TRPM5: variants seen among roughly 807,000 people sequenced by gnomAD.
TRPM5 encodes the protein transient receptor potential cation channel subfamily M member 5.
A neutral mutation model predicts 124.9 loss-of-function variants in TRPM5; 121 were observed. The ratio of observed to expected loss-of-function variants is 0.97; its 90% CI spans 0.84 to 1.13. The LOEUF is 1.13. Among genes scored for constraint, TRPM5 ranks in the 50% most tolerant of loss-of-function variants. The pLI is 0.00. For synonymous variants in TRPM5, 781 were observed against 700.5 expected (o/e 1.11, Z -1.81); for missense variants, 1,643 against 1,589.1 (o/e 1.03, Z -0.58).
At chr11:2,419,678 C>T (rs757090) in intron 4 of TRPM5, among the ~76,000 whole-genome samples, 65,786 of 150,672 alleles carry the variant, frequency 0.44, 14,855 homozygotes, top group East Asian at 0.62. Flanking sequence ...AATTACAATT[C>T]TGTTTCTAAA....
chr11:2,420,382 A>C (rs61735223), exon 4 of TRPM5: 43 of 1,611,856 alleles, frequency 2.7e-5, no homozygotes, highest in Non-Finnish European at 3.3e-5. Context: ...CGTCATCCTC[A>C]GGGTAGTGGA....
chr11:2,433,953 T>C, the TRPM5 span, among the ~76,000 whole-genome samples: 431 of 152,092 alleles, frequency 2.8e-3, 25 homozygotes, highest in South Asian at 0.086. Context: ...TGTGAGTGTA[T>C]ATGTGTGTGT....
At chr11:2,426,141 G>A (rs535309705), upstream of TRPM5, among the ~76,000 whole-genome samples, 20 of 152,216 alleles carry the variant, frequency 1.3e-4, no homozygotes, top group Non-Finnish European at 2.6e-4. Context: ...CCAAAGCTCT[G>A]GCCCTTCCCA....
At chr11:2,414,009 G>GGGCCGCCCCCCCCCCCCCCCCC in intron 12 of TRPM5, 52 bp downstream of exon 17, 1 of 1,023,734 alleles carries the variant, frequency 9.8e-7, no homozygotes, top group Non-Finnish European at 1.4e-6. Context: ...GGCCCAGCTC[G>GGGCCGCCCCCCCCCCCCCCCCC]CCCGCCCACC....
the TRPM5 span, among the ~76,000 whole-genome samples, chr11:2,444,187 G>T: frequency 6.7e-6 from 1 of 149,378 alleles, no homozygotes; most frequent in Admixed American, 6.6e-5. Flanking sequence ...TCACCCTCCC[G>T]GTCCAAGGGC....
At chr11:2,437,646 C>T in the TRPM5 span, among the ~76,000 whole-genome samples, 2 of 152,272 alleles carry the variant, frequency 1.3e-5, no homozygotes, top group East Asian at 1.9e-4. This position sits in a 1 kb window ranked among gnomAD's most constrained non-coding sequence, Gnocchi z 5.6. Flanking sequence ...CATTCCAAAC[C>T]TCAGGGTCTC....
chr11:2,430,746 TTGG>T, the TRPM5 span, among the ~76,000 whole-genome samples: 2 of 103,496 alleles, frequency 1.9e-5, no homozygotes, highest in Non-Finnish European at 4.1e-5. Context: ...GGTGATGGTG[TTGG>T]TGGTGGTGGT....
exon 19 of TRPM5, chr11:2,407,908 G>A (rs1315612990): frequency 6.2e-7 from 1 of 1,613,358 alleles, no homozygotes; most frequent in South Asian, 1.1e-5. Context: ...AGTTCACACG[G>A]GCTTCTGGAA....
chr11:2,429,277 G>GATGA, the TRPM5 span, among the ~76,000 whole-genome samples: 356 of 151,332 alleles, frequency 2.4e-3, 4 homozygotes, highest in African/African-American at 8.4e-3. This position sits in a 1 kb window ranked among gnomAD's most constrained non-coding sequence, Gnocchi z 8.4. Context: ...TGATGGTGAT[G>GATGA]ATGATAGTGG....
chr11:2,420,535 T>C, intron 3 of TRPM5, 130 bp from the exon 9 acceptor site: 1 of 930,268 alleles, frequency 1.1e-6, no homozygotes, highest in South Asian at 1.8e-5. Context: ...GCCCGAGCCT[T>C]GGTTTCCCCA....
exon 6 of TRPM5, chr11:2,418,232 G>T: frequency 6.3e-7 from 1 of 1,586,938 alleles, no homozygotes; most frequent in Admixed American, 1.8e-5. Context: ...TCCTTAAACT[G>T]CTTCTCGGCC....
At chr11:2,407,026 A>G in intron 20 of TRPM5, 93 bp downstream of exon 25, 1 of 1,409,832 alleles carries the variant, frequency 7.1e-7, no homozygotes, top group South Asian at 1.5e-5. Context: ...GGAGGGGTCC[A>G]GGTCTCTCCA....
chr11:2,411,284 T>C (rs1850445607), intron 18 of TRPM5, 68 bp downstream of exon 23: 1 of 1,459,758 alleles, frequency 6.9e-7, no homozygotes, highest in African/African-American at 1.4e-5. Flanking sequence ...GAGAGCCTCA[T>C]GCCCAGGGCT....
chr11:2,431,872 C>A, the TRPM5 span, among the ~76,000 whole-genome samples: 1 of 152,144 alleles, frequency 6.6e-6, no homozygotes, highest in African/African-American at 2.4e-5. Flanking sequence ...TGTCTGTGTC[C>A]CCTGCATGAG....
chr11:2,423,786 G>A (rs541085386), upstream of TRPM5, among the ~76,000 whole-genome samples: 24 of 152,320 alleles, frequency 1.6e-4, no homozygotes, highest in African/African-American at 5.1e-4. Flanking sequence ...GGGCATCTCA[G>A]CCCCTCTCTA....
At chr11:2,433,157 C>T in the TRPM5 span, among the ~76,000 whole-genome samples, 3 of 152,260 alleles carry the variant, frequency 2.0e-5, no homozygotes, top group African/African-American at 7.2e-5. Context: ...TTGACCCCAT[C>T]ACAAGATGTG....
intron 19 of TRPM5, 91 bp downstream of exon 24, chr11:2,407,668 C>T: frequency 6.6e-7 from 1 of 1,512,362 alleles, no homozygotes; most frequent in East Asian, 2.3e-5. Flanking sequence ...CTGCAGCACA[C>T]CAGGTGGGTT....
upstream of TRPM5, chr11:2,423,124 G>A: frequency 2.7e-6 from 3 of 1,121,728 alleles, no homozygotes; most frequent in Non-Finnish European, 3.9e-6. Flanking sequence ...GGCTGGCTCT[G>A]CTTTCCCCTG....
rs1296019768 is a variant in TRPM5 at position 2,420,097 on chromosome 11, G to A, written c.649+125C>T. 1.8e-5 allele frequency: 20 copies of A among 1,099,086 alleles called. No individual in the cohort carries two copies. In the Middle Eastern group the frequency reaches 1.9e-3, roughly 103 times the overall value. The allele number at this position is 1,099,086 out of a possible 1,614,324, so 68.1% of individuals were successfully genotyped here. A position where few individuals can be genotyped will look rare whatever the true frequency, so the allele number is the denominator to read the frequency against. On this transcript the variant is annotated intron_variant, in intron 4 of 23. Transcript: ENST00000155858. ...CCCAGGTCTCGGTGCTCAGGCATGC[G>A]GGGTGCGTTCTGCCTGGGAAGCCCT...
Sources: gnomAD v4.1 joint callset for allele counts (sites outside exome capture counted in the v4.1 genomes callset) on GRCh38, gnomAD v4.1.1 for gene constraint, Gnocchi (gnomAD v3.1) non-coding constraint, MANE v1.5 for transcripts, NCBI Gene and HGNC (gene_info 2026-07-23, HGNC 2026-07-21) for gene names.